Variants in KCNB2 observed in about 807,000 individuals in gnomAD.
KCNB2 encodes the protein delayed rectifier potassium channel protein.
Under a neutral mutation model 61.5 loss-of-function variants are expected in KCNB2, and 15 were observed. The ratio of observed to expected loss-of-function variants is 0.24; its 90% CI spans 0.16 to 0.38. The LOEUF (loss-of-function observed/expected upper bound fraction) is 0.38. KCNB2 is among the 10% of genes least tolerant of loss of function. The pLI is 1.00. For synonymous variants in KCNB2, 457 were observed against 446.0 expected (o/e 1.02, Z -0.31); for missense variants, 828 against 1,125.2 (o/e 0.74, Z 3.78).
rs1339877525 is a variant in KCNB2 at position 72,937,841 on chromosome 8, C to G, written c.2486C>G (p.Ser829Cys). The G allele has an allele frequency of 1.9e-6, 3 of 1,614,040 alleles. No homozygotes were observed. In the South Asian group the frequency reaches 3.3e-5, roughly 18 times the overall value. The change falls in exon 3 of 3, where the codon TCC (serine) becomes TGC (cysteine). Residue 829 changes from serine (S) to cysteine (C), a missense_variant. Physicochemically the swap from Ser to Cys is moderately radical, Grantham distance 112. Coordinates refer to ENST00000523207, the MANE Select transcript of KCNB2 (RefSeq NM_004770.3). ...PGAREEKQVDSSPNCFADKPS... is the reference protein window; with the variant it reads ...PGAREEKQVDCSPNCFADKPS... ...GCAAGGGAGGAGAAGCAGGTGGACT[C>G]CAGCCCAAATTGCTTTGCAGATAAG...
intron 2 of KCNB2, among the ~76,000 whole-genome samples, chr8:72,695,683 C>T (rs1255933324): frequency 1.3e-5 from 2 of 152,150 alleles, no homozygotes; most frequent in East Asian, 3.8e-4. Context: ...GTACCAAATA[C>T]CTACTCTTTT....
chr8:72,580,908 C>T (rs1270308249), intron 2 of KCNB2, among the ~76,000 whole-genome samples: 3 of 152,142 alleles, frequency 2.0e-5, no homozygotes, highest in Non-Finnish European at 4.4e-5. Flanking sequence ...TTGTGGGCCT[C>T]TCCTGAATTA....
intron 2 of KCNB2, among the ~76,000 whole-genome samples, chr8:72,790,213 C>A (rs1245225906): frequency 6.6e-6 from 1 of 152,090 alleles, no homozygotes; most frequent in Non-Finnish European, 1.5e-5. Context: ...TATCCATAGG[C>A]CTTGACCTCA....
At chr8:72,704,023 G>T (rs562815119) in intron 2 of KCNB2, among the ~76,000 whole-genome samples, 12 of 152,296 alleles carry the variant, frequency 7.9e-5, no homozygotes, top group African/African-American at 2.6e-4. Flanking sequence ...AGTTTTCAGT[G>T]TACAGTTTCC....
At chr8:72,767,077 C>T (rs1439932680) in intron 2 of KCNB2, among the ~76,000 whole-genome samples, 1 of 152,084 alleles carries the variant, frequency 6.6e-6, no homozygotes, top group Non-Finnish European at 1.5e-5. Context: ...TGGGAAAAAC[C>T]AGCACCCATG....
chr8:72,547,687 T>A (rs1434881947), intron 1 of KCNB2, among the ~76,000 whole-genome samples: 1 of 152,226 alleles, frequency 6.6e-6, no homozygotes, highest in Non-Finnish European at 1.5e-5. Context: ...GAGTTGCTTC[T>A]TATGAACGAG....
At chr8:72,766,017 G>A (rs1347976630) in intron 2 of KCNB2, among the ~76,000 whole-genome samples, 2 of 152,168 alleles carry the variant, frequency 1.3e-5, no homozygotes, top group Non-Finnish European at 2.9e-5. Flanking sequence ...CTCAAAGAAT[G>A]GCATAGGGCC....
Position 72,883,525 on chromosome 8 carries a change from T to C in KCNB2, c.580-52410T>C, listed in dbSNP as rs188333257. Among the ~76,000 whole-genome samples, 301 of 152,354 alleles carry C rather than the reference T, an allele frequency of 2.0e-3. 1 individual carries two copies. Among genetic ancestry groups the C allele is most frequent in the Middle Eastern group, 6.8e-3 (2 of 294 alleles). On this transcript the variant is annotated intron_variant, in intron 2 of 2. Transcript: ENST00000523207. ...TTATTCCAGATCTATAGAAGAGAAC[T>C]GAGAATAGCATAACCCAACCACTTC...
At chr8:72,821,659 A>AAAAAAAAAAAC (rs1554535735) in intron 2 of KCNB2, among the ~76,000 whole-genome samples, 13 of 117,074 alleles carry the variant, frequency 1.1e-4, no homozygotes, top group South Asian at 3.5e-4. Context: ...AAAAAAAAAA[A>AAAAAAAAAAAC]ACACACACAC....
At chr8:72,817,124 A>G (rs746765025) in intron 2 of KCNB2, among the ~76,000 whole-genome samples, 10 of 152,208 alleles carry the variant, frequency 6.6e-5, no homozygotes, top group Admixed American at 2.6e-4. Context: ...GTAGGGGGGC[A>G]ACATTGTCCT....
At chr8:72,935,798 T>C (rs1440001056) in intron 2 of KCNB2, 137 bp from the exon 3 acceptor site, 1 of 697,934 alleles carries the variant, frequency 1.4e-6, no homozygotes, top group South Asian at 1.8e-5. Flanking sequence ...AATTTTAAGT[T>C]GTAAAATTAC....
chr8:72,630,772 T>A (rs1805865635), intron 2 of KCNB2, among the ~76,000 whole-genome samples: 1 of 152,226 alleles, frequency 6.6e-6, no homozygotes. Flanking sequence ...ATCAGATTTG[T>A]CAGCGTTGTC....
chr8:72,854,311 A>G (rs1038277794), intron 2 of KCNB2, among the ~76,000 whole-genome samples: 3 of 152,190 alleles, frequency 2.0e-5, no homozygotes, highest in Non-Finnish European at 4.4e-5. Flanking sequence ...GATAATACAC[A>G]GGTATCAGTT....
At chr8:72,690,281 G>A (rs1313065916) in intron 2 of KCNB2, among the ~76,000 whole-genome samples, 1 of 152,092 alleles carries the variant, frequency 6.6e-6, no homozygotes, top group Non-Finnish European at 1.5e-5. Context: ...TGCCCAGTAA[G>A]AGCAACCATA....
intron 2 of KCNB2, among the ~76,000 whole-genome samples, chr8:72,835,436 G>C (rs1809765564): frequency 6.6e-6 from 1 of 152,158 alleles, no homozygotes; most frequent in Non-Finnish European, 1.5e-5. Flanking sequence ...TCTCAAGGCA[G>C]AGTTCTGGGA....
At chr8:72,579,731 A>G (rs556227188) in intron 2 of KCNB2, among the ~76,000 whole-genome samples, 3 of 152,238 alleles carry the variant, frequency 2.0e-5, no homozygotes, top group East Asian at 1.9e-4. Flanking sequence ...ATGCTTTCAC[A>G]AGGCTGTATT....
intron 2 of KCNB2, among the ~76,000 whole-genome samples, chr8:72,675,530 T>C (rs1386388172): frequency 6.6e-6 from 1 of 151,708 alleles, no homozygotes; most frequent in South Asian, 2.1e-4. Flanking sequence ...TTTTTTTTTT[T>C]TGAGATGAGT....
chr8:72,866,369 T>C (rs1053174673), intron 2 of KCNB2, among the ~76,000 whole-genome samples: 3 of 152,214 alleles, frequency 2.0e-5, no homozygotes, highest in Non-Finnish European at 4.4e-5. Flanking sequence ...GGACAGTCAA[T>C]GGAGCAAGCT....
chr8:72,754,417 C>T (rs150824864), intron 2 of KCNB2, among the ~76,000 whole-genome samples: 132 of 152,266 alleles, frequency 8.7e-4, no homozygotes, highest in Non-Finnish European at 1.4e-3. Context: ...ATTGCAGCAG[C>T]CACAACAGGA....
Sources: allele counts gnomAD v4.1 joint callset (sites outside exome capture counted in the v4.1 genomes callset), GRCh38; gene constraint gnomAD v4.1.1; transcripts MANE v1.5; gene names NCBI Gene and HGNC (gene_info 2026-07-23, HGNC 2026-07-21).